The following ZNF486 variants were observed in gnomAD, a reference collection of about 807,000 sequenced individuals.
ZNF486 encodes zinc finger protein 486, also known as KRAB box only protein 2.
Under a neutral mutation model 12.8 loss-of-function variants are expected in ZNF486, and 12 were observed. The ratio of observed to expected loss-of-function variants is 0.94; its 90% CI spans 0.60 to 1.52. The LOEUF is 1.52. Ranked by LOEUF, ZNF486 falls within the 40% of genes most tolerant of loss-of-function variation. The pLI is 0.00. For missense variants in ZNF486, 738 were observed against 545.0 expected (o/e 1.35, Z -3.53); for synonymous variants, 231 against 184.9 (o/e 1.25, Z -2.02).
At chr19:20,172,347 C>A (rs988989907) in intron 1 of ZNF486, among the ~76,000 whole-genome samples, 1 of 151,152 alleles carries the variant, frequency 6.6e-6, no homozygotes. Flanking sequence ...CTCTTGTTGC[C>A]CAGACTGGAT....
intron 2 of ZNF486, among the ~76,000 whole-genome samples, chr19:20,185,771 C>G (rs1366495737): frequency 7.0e-6 from 1 of 143,808 alleles, no homozygotes; most frequent in Non-Finnish European, 1.5e-5. Context: ...GATCTATAAA[C>G]AGCAACTTTT....
intron 3 of ZNF486, chr19:20,188,844 C>T (rs571183415): frequency 5.8e-6 from 1 of 171,086 alleles, no homozygotes; most frequent in African/African-American, 2.4e-5. Flanking sequence ...CTTAAGATAT[C>T]CATAATTTTG....
intron 1 of ZNF486, among the ~76,000 whole-genome samples, chr19:20,172,149 A>G (rs961383937): frequency 2.6e-5 from 4 of 151,894 alleles, no homozygotes; most frequent in Non-Finnish European, 5.9e-5. Context: ...GATTACAAGC[A>G]TGCACCACCA....
chr19:20,197,027 A>G lies in ZNF486; in HGVS notation c.317A>G (p.Lys106Arg). The G allele has an allele frequency of 6.2e-7, 1 of 1,608,038 alleles. No individual in the cohort carries two copies. The highest frequency in any genetic ancestry group is 8.5e-7 in the Non-Finnish European group (1 of 1,178,426). Residue 106 changes from lysine to arginine, a missense_variant, in exon 4 of 4, where the codon AAA (lysine) becomes AGA (arginine). By Grantham distance (26) the Lys-to-Arg change is conservative. Coordinates refer to ENST00000335117, the MANE Select transcript of ZNF486 (RefSeq NM_052852.4). ...CAGAGCATAAAAGATTCTTACCAAA[A>G]AGTGATACTGAGAAAATTTGAAAAA... is the stretch of plus-strand genomic sequence containing the variant. Reference protein sequence around the residue: ...PEQSIKDSYQKVILRKFEKCG... With the variant: ...PEQSIKDSYQRVILRKFEKCG...
Position 20,184,280 on chromosome 19 carries a change from T to C in ZNF486, c.31-76T>C. 3 of 1,597,570 alleles carry C rather than the reference T, an allele frequency of 1.9e-6. 1 individual carries two copies. In the South Asian group the frequency reaches 3.3e-5, roughly 18 times the overall value. On this transcript the variant is annotated intron_variant, in intron 1 of 3. Transcript: ENST00000335117. ...TATAAGTAAGAATCAGTTCTCTTAC[T>C]CTCTCATTTCACCTTAAATTAAAAA...
chr19:20,183,973 A>G (rs1420757798), intron 1 of ZNF486, among the ~76,000 whole-genome samples: 1 of 152,166 alleles, frequency 6.6e-6, no homozygotes, highest in Non-Finnish European at 1.5e-5. Flanking sequence ...GAAGGACTTC[A>G]GCTTATTGTA....
rs557076465 is a variant in ZNF486, at chr19:20,192,605, G to T, written c.254-4359G>T. On this transcript the variant is annotated intron_variant, in intron 3 of 3. Coordinates refer to ENST00000335117, the MANE Select transcript of ZNF486 (RefSeq NM_052852.4). ...TTACAGGCATCAGCCACCACGCCTG[G>T]CCTCATTTAACTTTGAGATAGGGTC... Among the ~76,000 whole-genome samples, 11 of 152,260 alleles carry T rather than the reference G, an allele frequency of 7.2e-5. No individual in the cohort carries two copies. The East Asian group carries it at 1.4e-3, about 19-fold the overall frequency.
At chr19:20,185,934 T>C in intron 2 of ZNF486, 53 bp from the exon 3 acceptor site, 1 of 1,200,578 alleles carries the variant, frequency 8.3e-7, no homozygotes, top group Non-Finnish European at 1.1e-6. Flanking sequence ...CATTACTAGC[T>C]TGTAATTGAG....
intron 3 of ZNF486, chr19:20,188,613 C>T (rs1450160958): frequency 1.5e-5 from 6 of 396,246 alleles, no homozygotes; most frequent in African/African-American, 6.2e-5. Flanking sequence ...TGCCACTACA[C>T]TCCAGCTTGA....
chr19:20,173,779 C>T (rs1421472739), intron 1 of ZNF486, among the ~76,000 whole-genome samples: 3 of 151,692 alleles, frequency 2.0e-5, no homozygotes, highest in Non-Finnish European at 4.4e-5. Flanking sequence ...TTGCAGTGAG[C>T]TGAGATAGTG....
rs377135041 is a variant in ZNF486, at chr19:20,197,740, C to T, written c.1030C>T (p.His344Tyr). 8 of 1,613,540 alleles carry T rather than the reference C, an allele frequency of 5.0e-6. No homozygotes were observed. In the African/African-American group the frequency reaches 8.0e-5, roughly 16 times the overall value. ...SSILSKHEKI[H>Y]TGEKPYKCEE... ...GATCCTTAGTAAACATGAGAAGATT[C>T]ATACGGGAGAGAAACCCTACAAATG... Residue 344 changes from histidine (H) to tyrosine (Y), a missense_variant, in exon 4 of 4, where the codon CAT (histidine) becomes TAT (tyrosine). By Grantham distance (83) the His-to-Tyr change is moderately conservative. Transcript: ENST00000335117.
chr19:20,184,331 ATGTG>A (rs367731486), intron 1 of ZNF486, 21 bp from the exon 2 acceptor site: 30 of 1,544,416 alleles, frequency 1.9e-5, no homozygotes, highest in African/African-American at 2.8e-5. Flanking sequence ...CTTGGTGAAA[ATGTG>A]TGTGTGTGTG....
intron 1 of ZNF486, among the ~76,000 whole-genome samples, chr19:20,179,973 GCTA>G (rs2089766326): frequency 6.6e-6 from 1 of 152,202 alleles, no homozygotes; most frequent in Non-Finnish European, 1.5e-5. Context: ...TCATCCAAGA[GCTA>G]GCAAATCAGG....
chr19:20,181,088 A>C (rs1555715472), intron 1 of ZNF486, among the ~76,000 whole-genome samples: 4 of 151,902 alleles, frequency 2.6e-5, no homozygotes, highest in Admixed American at 1.3e-4. Flanking sequence ...CTGAGACCTG[A>C]TCAGATTCAT....
intron 1 of ZNF486, among the ~76,000 whole-genome samples, chr19:20,181,882 A>T (rs920712762): frequency 6.6e-6 from 1 of 152,234 alleles, no homozygotes; most frequent in Admixed American, 6.5e-5. Context: ...ACCAGCTTTC[A>T]GGGTGTTATG....
chr19:20,180,519 G>T (rs148463924), intron 1 of ZNF486, among the ~76,000 whole-genome samples: 3 of 152,166 alleles, frequency 2.0e-5, no homozygotes, highest in Non-Finnish European at 4.4e-5. Flanking sequence ...ACTTTATGCC[G>T]TTATGACTTC....
chr19:20,170,114 TC>T (rs1294964089), intron 1 of ZNF486, among the ~76,000 whole-genome samples: 2 of 150,778 alleles, frequency 1.3e-5, no homozygotes, highest in Non-Finnish European at 3.0e-5. Context: ...ATGGTCTCGA[TC>T]TCCTGACCTC....
chr19:20,183,839 C>G (rs1555715932), intron 1 of ZNF486, among the ~76,000 whole-genome samples: 1 of 151,928 alleles, frequency 6.6e-6, no homozygotes, highest in East Asian at 1.9e-4. Context: ...CAGGCTCTTG[C>G]ACTTACTGCA....
At chr19:20,185,907 A>G in intron 2 of ZNF486, 80 bp from the exon 3 acceptor site, 1 of 817,374 alleles carries the variant, frequency 1.2e-6, no homozygotes, top group Admixed American at 3.3e-5. Context: ...ATTTTATTAC[A>G]TTCTTTCTGC....
Sources: gnomAD v4.1 joint callset for allele counts (sites outside exome capture counted in the v4.1 genomes callset) on GRCh38, gnomAD v4.1.1 for gene constraint, MANE v1.5 for transcripts, NCBI Gene and HGNC (gene_info 2026-07-23, HGNC 2026-07-21) for gene names.